DHX38: variants seen among roughly 807,000 people sequenced by gnomAD.
DHX38 encodes the protein pre-mRNA-splicing factor ATP-dependent RNA helicase PRP16.
A neutral mutation model predicts 153.1 loss-of-function variants in DHX38; 100 were observed. The ratio of observed to expected loss-of-function variants is 0.65; its 90% CI spans 0.56 to 0.77. The LOEUF (loss-of-function observed/expected upper bound fraction) is 0.77, where lower values mean the gene tolerates loss of function less well. Among genes scored for constraint, DHX38 ranks in the 30% least tolerant of loss-of-function variants. The pLI is 0.00. For synonymous variants in DHX38, 650 were observed against 631.7 expected (o/e 1.03, Z -0.43); for missense variants, 1,440 against 1,654.0 (o/e 0.87, Z 2.24).
Position 72,108,606 on chromosome 16 carries a change from A to C in DHX38, c.3254A>C (p.Lys1085Thr). The C allele has an allele frequency of 6.2e-7, 1 of 1,613,422 alleles. No homozygotes were observed. The highest frequency in any genetic ancestry group is 8.5e-7 in the Non-Finnish European group (1 of 1,179,594). Reference protein sequence around the residue: ...AAYFHQAAKLKGIGEYVNIRT... With the variant: ...AAYFHQAAKLTGIGEYVNIRT... ...TATTTCCACCAAGCAGCCAAGCTCA[A>C]GGTGAACCCAGGAGCCCAGTGAGCC... is the stretch of plus-strand genomic sequence containing the variant. Residue 1085 changes from lysine to threonine, a missense_variant and splice_region_variant, in exon 23 of 27, where the codon AAG becomes ACG. Lys to Thr is a moderately conservative substitution (Grantham distance 78). Transcript: ENST00000268482.
At chr16:72,110,021 CA>C (rs2042236933) in intron 25 of DHX38, among the ~76,000 whole-genome samples, 1 of 152,256 alleles carries the variant, frequency 6.6e-6, no homozygotes, top group Non-Finnish European at 1.5e-5. Context: ...CTCCAGTCCG[CA>C]TTTGGATTTC....
chr16:72,101,482 G>T lies in DHX38; in HGVS notation c.1387-18G>T. 1.3e-6 allele frequency: 2 copies of T among 1,549,760 alleles called. No individual in the cohort carries two copies. Among genetic ancestry groups the T allele is most frequent in the Non-Finnish European group, 1.7e-6 (2 of 1,145,326 alleles). On this transcript the variant is annotated intron_variant, in intron 10 of 26. Coordinates refer to ENST00000268482, the MANE Select transcript of DHX38 (RefSeq NM_014003.4). Reference sequence around the variant, plus strand: ...GTCATGTGGCAGGATGGAGCAGACTGACCTTTTTCCTTTTCAGGCTCAGCA... The same window carrying T: ...GTCATGTGGCAGGATGGAGCAGACTTACCTTTTTCCTTTTCAGGCTCAGCA...
chr16:72,105,006 G>T, intron 15 of DHX38, 21 bp from the exon 16 acceptor site: 1 of 1,611,288 alleles, frequency 6.2e-7, no homozygotes, highest in African/African-American at 1.3e-5. Context: ...CCCTCTGACT[G>T]TGTCCCCACT....
intron 22 of DHX38, 31 bp downstream of exon 22, chr16:72,108,413 T>TGAGGG (rs757646073): frequency 1.2e-6 from 2 of 1,613,594 alleles, no homozygotes; most frequent in Non-Finnish European, 1.7e-6. Flanking sequence ...GATGTTGGGA[T>TGAGGG]GAGGGGAGGG....
chr16:72,099,092 A>G, intron 6 of DHX38, 47 bp downstream of exon 6: 1 of 1,607,390 alleles, frequency 6.2e-7, no homozygotes, highest in Non-Finnish European at 8.5e-7. Context: ...TGCTTGCCCT[A>G]GCGAGGATGA....
At chr16:72,103,044 CA>C in intron 11 of DHX38, 29 bp from the exon 12 acceptor site, 1 of 1,611,270 alleles carries the variant, frequency 6.2e-7, no homozygotes, top group Non-Finnish European at 8.5e-7. Flanking sequence ...GGGCACCATG[CA>C]GGGTGTTTAG....
chr16:72,099,998 A>C, intron 8 of DHX38, 111 bp downstream of exon 8: 1 of 1,401,624 alleles, frequency 7.1e-7, no homozygotes, highest in Admixed American at 2.1e-5. Context: ...CTGATTGCCG[A>C]GAAGCCCAGA....
chr16:72,105,944 A>G, intron 18 of DHX38, 61 bp from the exon 19 acceptor site: 1 of 1,511,094 alleles, frequency 6.6e-7, no homozygotes, highest in Non-Finnish European at 9.2e-7. Flanking sequence ...CCTTTGTCTC[A>G]GGCCTACTTC....
intron 2 of DHX38, 48 bp from the exon 3 acceptor site, chr16:72,096,774 G>A (rs757003948): frequency 6.4e-7 from 1 of 1,563,360 alleles, no homozygotes; most frequent in Non-Finnish European, 8.6e-7. Context: ...TTAGGGCAGA[G>A]TTTTTCTCCT....
In DHX38 at chr16:72,100,977, T is replaced by C. The variant is rs987247727; in HGVS notation, c.1279-109T>C. 4.4e-5 allele frequency: 47 copies of C among 1,076,936 alleles called. No homozygotes were observed. The Middle Eastern group carries it at 7.1e-4, about 16-fold the overall frequency. The allele number at this position is 1,076,936 out of a possible 1,614,324, so 66.7% of individuals were successfully genotyped here. The stretch of plus-strand genomic sequence containing the variant: ...GACAGAAAGAAGAGAAGGGAGAAAA[T>C]AGCCCTGTACCATGAGAGGGTAGCA... On this transcript the variant is annotated intron_variant, in intron 9 of 26. Transcript: ENST00000268482.
At chr16:72,108,198 T>C in intron 21 of DHX38, 29 bp from the exon 22 acceptor site, 1 of 1,611,862 alleles carries the variant, frequency 6.2e-7, no homozygotes, top group Non-Finnish European at 8.5e-7. Context: ...CCCCTGTACT[T>C]AGAGTGAAGG....
At chr16:72,109,667 C>G (rs1275021753) in intron 25 of DHX38, 157 bp downstream of exon 25, 4 of 603,706 alleles carry the variant, frequency 6.6e-6, no homozygotes, top group Non-Finnish European at 1.1e-5. Context: ...GATTCCCCAC[C>G]ACCCACTCCA....
rs1198964138 is a variant in DHX38 at position 72,101,500 on chromosome 16, G to A, written c.1387G>A (p.Ala463Thr). The A allele has an allele frequency of 6.4e-7, 1 of 1,551,596 alleles. No homozygotes were observed. Among genetic ancestry groups the A allele is most frequent in the Non-Finnish European group, 8.7e-7 (1 of 1,146,958 alleles). Residue 463 changes from alanine (A) to threonine (T), a missense_variant and splice_region_variant, in exon 11 of 27, where the codon GCT (alanine) becomes ACT (threonine). Ala to Thr is a moderately conservative substitution (Grantham distance 58, BLOSUM62 0). Around this residue, in one of 6 missense-constraint regions of DHX38, gnomAD observed 241 missense variants for 229.5 expected, o/e 1.05. Coordinates refer to ENST00000268482, the MANE Select transcript of DHX38 (RefSeq NM_014003.4). ...GCAGACTGACCTTTTTCCTTTTCAG[G>A]CTCAGCACAAACACTGGGAACTGGC... The part of the protein sequence containing the change: ...KHREQKERKK[A>T]QHKHWELAGT...
rs1353535499 is a variant in DHX38 at position 72,101,166 on chromosome 16, G to A, written c.1359G>A (p.Lys453=). The A allele has an allele frequency of 6.2e-7, 1 of 1,614,176 alleles. No homozygotes were observed. The highest frequency in any genetic ancestry group is 8.5e-7 in the Non-Finnish European group (1 of 1,180,060). The part of the protein sequence containing the change: ...IARKGSQTVR[K]HREQKERKKA... ...GGAAAGGCAGCCAGACAGTGCGGAA[G>A]CACAGGGAGCAGAAGGAGCGCAAGA... is the stretch of plus-strand genomic sequence containing the variant. Residue 453 remains lysine (K), a synonymous_variant, in exon 10 of 27, where the codon AAG becomes AAA. Coordinates refer to ENST00000268482, the MANE Select transcript of DHX38 (RefSeq NM_014003.4).
intron 25 of DHX38, 117 bp downstream of exon 25, chr16:72,109,627 AG>A: frequency 1.0e-6 from 1 of 953,312 alleles, no homozygotes; most frequent in Non-Finnish European, 1.5e-6. Context: ...GCAAACATAA[AG>A]GCTGTGATCC....
intron 3 of DHX38, chr16:72,097,472 C>T (rs2042037050): frequency 1.9e-6 from 1 of 527,160 alleles, no homozygotes; most frequent in Non-Finnish European, 3.4e-6. Flanking sequence ...ATAACTGTTA[C>T]TGTGGGTTTG....
chr16:72,107,821 C>G lies in DHX38; in HGVS notation c.2964+22C>G. On this transcript the variant is annotated intron_variant, in intron 21 of 26. Transcript: ENST00000268482. The surrounding 1 kb of genome is among the most constrained non-coding windows in gnomAD (Gnocchi z 5.3). ...CAAGGTGGGGCAGCGGCTGGCTCCCCTCTCCCCGGAGGGCTCGAGGAAGTG... is the reference window on the plus strand; with the variant it reads ...CAAGGTGGGGCAGCGGCTGGCTCCCGTCTCCCCGGAGGGCTCGAGGAAGTG... The G allele has an allele frequency of 1.9e-6, 3 of 1,610,494 alleles. No individual in the cohort carries two copies. Among genetic ancestry groups the G allele is most frequent in the Non-Finnish European group, 2.5e-6 (3 of 1,178,986 alleles).
In DHX38 at chr16:72,103,800, T is replaced by TG; in HGVS notation, c.1824+17dup. 6.2e-7 allele frequency: 1 copy of TG among 1,607,676 alleles called. No individual in the cohort carries two copies. Among genetic ancestry groups the TG allele is most frequent in the Non-Finnish European group, 8.5e-7 (1 of 1,174,656 alleles). On this transcript the variant is annotated intron_variant, in intron 13 of 26. Transcript: ENST00000268482. ...ACCTTGGCGAGGAGGTGAGTGGGCGTGGGGGCTGAGCCATGTAGTTATTCC... is the reference window on the plus strand; with the variant it reads ...ACCTTGGCGAGGAGGTGAGTGGGCGTGGGGGGCTGAGCCATGTAGTTATTCC...
At chr16:72,102,229 G>C (rs2042111216) in intron 11 of DHX38, among the ~76,000 whole-genome samples, 1 of 152,168 alleles carries the variant, frequency 6.6e-6, no homozygotes, top group African/African-American at 2.4e-5. Flanking sequence ...CTCCACTCCT[G>C]TGTGAAATGT....
Sources: gnomAD v4.1 joint callset for allele counts (sites outside exome capture counted in the v4.1 genomes callset) on GRCh38, gnomAD v4.1.1 for gene constraint, gnomAD v4.1.1 regional missense constraint, Gnocchi (gnomAD v3.1) non-coding constraint, MANE v1.5 for transcripts, NCBI Gene and HGNC (gene_info 2026-07-23, HGNC 2026-07-21) for gene names.